The following FARS2 variants were observed in gnomAD, a reference collection of about 807,000 sequenced individuals.
FARS2 encodes the protein phenylalanine--tRNA ligase, mitochondrial.
FARS2 carries 40 observed loss-of-function variants against 46.4 expected under a neutral mutation model. The ratio of observed to expected loss-of-function variants is 0.86; its 90% confidence interval spans 0.67 to 1.12. The LOEUF (loss-of-function observed/expected upper bound fraction) is 1.12, where lower values mean the gene tolerates loss of function less well. FARS2 is among the 50% of genes most tolerant of loss of function. FARS2 has a pLI of 0.00. For synonymous variants in FARS2, 234 were observed against 214.9 expected (o/e 1.09, Z -0.78); for missense variants, 513 against 567.9 (o/e 0.90, Z 0.98).
At chr6:5,444,630 G>T (rs1764072090) in intron 4 of FARS2, among the ~76,000 whole-genome samples, 1 of 152,038 alleles carries the variant, frequency 6.6e-6, no homozygotes, top group African/African-American at 2.4e-5. Flanking sequence ...GATCACTATG[G>T]TATTCCCAGT....
chr6:5,341,221 A>ATC (rs1561969997), intron 1 of FARS2, among the ~76,000 whole-genome samples: 122 of 4,978 alleles, frequency 0.025, 3 homozygotes, highest in African/African-American at 0.093. Flanking sequence ...ATATATATAT[A>ATC]TATATATATA....
chr6:5,318,336 G>A (rs9392672), intron 1 of FARS2, among the ~76,000 whole-genome samples: 33,131 of 146,584 alleles, frequency 0.23, 4,564 homozygotes, highest in East Asian at 0.29. Flanking sequence ...TCCAGCCTGG[G>A]CGACAGAGTG....
chr6:5,306,380 G>T (rs1405354429), intron 1 of FARS2, among the ~76,000 whole-genome samples: 1 of 152,236 alleles, frequency 6.6e-6, no homozygotes, highest in East Asian at 1.9e-4. Flanking sequence ...TAACAGCCAT[G>T]TGATGGCTGC....
intron 2 of FARS2, among the ~76,000 whole-genome samples, chr6:5,382,261 A>T (rs1267853157): frequency 6.6e-6 from 1 of 152,206 alleles, no homozygotes; most frequent in East Asian, 1.9e-4. Flanking sequence ...CTCCAGGGTG[A>T]TGCTTCTTAA....
intron 4 of FARS2, among the ~76,000 whole-genome samples, chr6:5,511,628 A>G (rs182649725): frequency 3.5e-4 from 53 of 152,346 alleles, no homozygotes; most frequent in African/African-American, 1.2e-3. Flanking sequence ...AAGCCAGGTA[A>G]TGCCTAAGCC....
chr6:5,545,631 C>T (rs1013629499), intron 5 of FARS2, among the ~76,000 whole-genome samples: 8 of 151,890 alleles, frequency 5.3e-5, no homozygotes, highest in African/African-American at 1.9e-4. Flanking sequence ...CGCAACAGGC[C>T]CCGGTGTGTG....
At chr6:5,344,548 T>C (rs937085464) in intron 1 of FARS2, among the ~76,000 whole-genome samples, 6 of 152,162 alleles carry the variant, frequency 3.9e-5, no homozygotes, top group African/African-American at 1.4e-4. Flanking sequence ...TATGGAAGCA[T>C]CTCCTTGAAG....
chr6:5,433,184 T>C (rs1164058222), intron 4 of FARS2, among the ~76,000 whole-genome samples: 3 of 151,920 alleles, frequency 2.0e-5, no homozygotes, highest in Non-Finnish European at 4.4e-5. Context: ...TGTGTCTCTT[T>C]AGGCAGGGTT....
rs1171325752 is a variant in FARS2 at position 5,410,149 on chromosome 6, G to GT, written c.772+5455dup. Among the ~76,000 whole-genome samples, 53 of 120,578 alleles carry GT rather than the reference G, an allele frequency of 4.4e-4. 1 individual carries two copies. The highest frequency in any genetic ancestry group is 1.8e-3 in the African/African-American group (50 of 28,432). 79.1% of individuals were successfully genotyped at this position (120,578 alleles called of 152,430 possible). ...AGAAAAGTGCTTTGTTCGTTTTTGT[G>GT]TTTTTTTGTTTTTTTTTTTTTTGAG... is the stretch of plus-strand genomic sequence containing the variant. On this transcript the variant is annotated intron_variant, in intron 3 of 6. Transcript: ENST00000274680.
intron 5 of FARS2, among the ~76,000 whole-genome samples, chr6:5,573,135 C>T (rs935331493): frequency 1.3e-5 from 2 of 152,146 alleles, no homozygotes; most frequent in African/African-American, 2.4e-5. Context: ...TTTGTTGATT[C>T]ACTGATTCAA....
chr6:5,408,410 C>G (rs1761738841), intron 3 of FARS2, among the ~76,000 whole-genome samples: 1 of 152,100 alleles, frequency 6.6e-6, no homozygotes, highest in Non-Finnish European at 1.5e-5. Context: ...AAGCATGATG[C>G]AGCACAGTCC....
At chr6:5,695,494 G>A (rs1012149676) in intron 6 of FARS2, among the ~76,000 whole-genome samples, 1 of 152,252 alleles carries the variant, frequency 6.6e-6, no homozygotes, top group African/African-American at 2.4e-5. Flanking sequence ...AACACTTCCT[G>A]TGTGCCGTGC....
At position 5,434,743 on chromosome 6, in the gene FARS2, C is replaced by A. The variant is rs1347811377; in HGVS notation, c.904+3571C>A. On this transcript the variant is annotated intron_variant, in intron 4 of 6. Transcript: ENST00000274680. ...TTCCATCTCTTCTTCTATATTTGCT[C>A]CCCTGCTCTCCCTTCCTTCTTCCTC... Among the ~76,000 whole-genome samples, 17 of 151,966 alleles carry A rather than the reference C, an allele frequency of 1.1e-4. 1 individual carries two copies. Among genetic ancestry groups the A allele is most frequent in the Admixed American group, 9.8e-4 (15 of 15,270 alleles).
intron 6 of FARS2, among the ~76,000 whole-genome samples, chr6:5,733,592 A>G (rs1408586062): frequency 6.6e-6 from 1 of 152,180 alleles, no homozygotes; most frequent in Non-Finnish European, 1.5e-5. Context: ...CCCTAATTTT[A>G]ATCATGCTGA....
At chr6:5,518,261 G>A (rs1188343688) in intron 4 of FARS2, among the ~76,000 whole-genome samples, 1 of 151,372 alleles carries the variant, frequency 6.6e-6, no homozygotes, top group Non-Finnish European at 1.5e-5. Flanking sequence ...AGTCAAACGT[G>A]ACTCTTGGAT....
In FARS2 at chr6:5,563,420, G is replaced by A. The variant is rs536679014; in HGVS notation, c.1065+18080G>A. On this transcript the variant is annotated intron_variant, in intron 5 of 6. Transcript: ENST00000274680. Reference sequence around the variant, plus strand: ...TAATGGACGTTATTTGCATATCAAAGGTTACTGGCCTGGCTCTAAGAGCCA... The same window carrying A: ...TAATGGACGTTATTTGCATATCAAAAGTTACTGGCCTGGCTCTAAGAGCCA... 8.5e-5 allele frequency among the ~76,000 whole-genome samples: 13 copies of A among 152,290 alleles called. No homozygotes were observed. The East Asian group carries it at 2.3e-3, about 27-fold the overall frequency.
At chr6:5,562,843 G>A (rs528483143) in intron 5 of FARS2, among the ~76,000 whole-genome samples, 4 of 136,910 alleles carry the variant, frequency 2.9e-5, no homozygotes, top group South Asian at 2.3e-4. Context: ...TTCGCTCATC[G>A]CCCAGGCCGG....
chr6:5,415,714 T>G (rs932827291), intron 3 of FARS2, among the ~76,000 whole-genome samples: 1 of 152,316 alleles, frequency 6.6e-6, no homozygotes, highest in Non-Finnish European at 1.5e-5. Context: ...TTTGCCCATT[T>G]GTTTTCTTTC....
Position 5,408,728 on chromosome 6 carries a change from TAAGAC to T in FARS2, c.772+4035_772+4039del, listed in dbSNP as rs367733635. ...AAGAAGGAAGGAAGGAAAGGAAAGT[TAAGAC>T]AAGACAATAAAAGCAGGGAGCACAT... On this transcript the variant is annotated intron_variant, in intron 3 of 6. Coordinates refer to ENST00000274680, the MANE Select transcript of FARS2 (RefSeq NM_006567.5). Among the ~76,000 whole-genome samples the T allele has an allele frequency of 1.8e-4, 28 of 152,176 alleles. No homozygotes were observed. The South Asian group carries it at 2.7e-3, about 15-fold the overall frequency.
Sources: allele counts gnomAD v4.1 joint callset (sites outside exome capture counted in the v4.1 genomes callset), GRCh38; gene constraint gnomAD v4.1.1; transcripts MANE v1.5; gene names NCBI Gene and HGNC (gene_info 2026-07-23, HGNC 2026-07-21).